CD2AP: variants seen among roughly 807,000 people sequenced by gnomAD.
CD2AP encodes CD2 associated protein, also known as CD2-associated protein.
In CD2AP, 46 loss-of-function variants were observed where a neutral mutation model predicts 85.1. The observed-to-expected ratio is 0.54, with a 90% CI of 0.43 to 0.69. The LOEUF (loss-of-function observed/expected upper bound fraction) is 0.69, where lower values mean the gene tolerates loss of function less well. Ranked by LOEUF, CD2AP falls within the 30% of genes least tolerant of loss-of-function variation. The pLI is 0.00. For missense variants in CD2AP, 769 were observed against 729.5 expected, an observed-to-expected ratio of 1.05 and a Z score of -0.62; for synonymous variants, 255 against 252.9, an observed-to-expected ratio of 1.01 and a Z score of -0.08.
chr6:47,590,708 A>G (rs1358237988), intron 11 of CD2AP, among the ~76,000 whole-genome samples: 1 of 152,128 alleles, frequency 6.6e-6, no homozygotes, highest in East Asian at 1.9e-4. Context: ...ATGACTGTAC[A>G]GTGGGAAGGT....
At chr6:47,537,445 A>G (rs1767082045) in intron 3 of CD2AP, among the ~76,000 whole-genome samples, 1 of 152,150 alleles carries the variant, frequency 6.6e-6, no homozygotes, top group African/African-American at 2.4e-5. Flanking sequence ...AGGCTGTTCT[A>G]ACTTTCTATT....
chr6:47,603,695 G>C lies in CD2AP; in HGVS notation c.1418-2470G>C, dbSNP rs962422667. Among the ~76,000 whole-genome samples the C allele has an allele frequency of 7.3e-5, 11 of 151,578 alleles. No homozygotes were observed. The East Asian group carries it at 2.1e-3, about 29-fold the overall frequency. The stretch of plus-strand genomic sequence containing the variant: ...TACAGCTGTTCTTTTTTCCTGTTTT[G>C]TAAAATAATTATTTTGGTTTAGTCT... On this transcript the variant is annotated intron_variant, in intron 13 of 17. Coordinates refer to ENST00000359314, the MANE Select transcript of CD2AP (RefSeq NM_012120.3).
intron 16 of CD2AP, among the ~76,000 whole-genome samples, chr6:47,611,327 A>G (rs1319817335): frequency 6.6e-6 from 1 of 151,650 alleles, no homozygotes; most frequent in African/African-American, 2.4e-5. Context: ...GTGTGGCAAA[A>G]TTAGAACAAC....
chr6:47,513,225 G>A (rs924467528), intron 2 of CD2AP, among the ~76,000 whole-genome samples: 8 of 149,882 alleles, frequency 5.3e-5, no homozygotes, highest in East Asian at 2.0e-4. Flanking sequence ...TTCTGGCATT[G>A]AGGGCTCTTA....
At chr6:47,523,648 T>C (rs1766651046) in intron 2 of CD2AP, among the ~76,000 whole-genome samples, 1 of 152,176 alleles carries the variant, frequency 6.6e-6, no homozygotes, top group South Asian at 2.1e-4. Context: ...ACTTGAGTTA[T>C]TTTAGATAAT....
chr6:47,579,153 A>G (rs1425761777), intron 8 of CD2AP, among the ~76,000 whole-genome samples: 1 of 152,112 alleles, frequency 6.6e-6, no homozygotes, highest in African/African-American at 2.4e-5. Flanking sequence ...TAGTTCCTGC[A>G]CTTTGGGAGA....
intron 17 of CD2AP, among the ~76,000 whole-genome samples, chr6:47,621,580 T>G (rs1322358102): frequency 2.6e-5 from 4 of 152,216 alleles, no homozygotes; most frequent in Non-Finnish European, 5.9e-5. Context: ...GGAGGGTTCC[T>G]TCTTTCTCTA....
At chr6:47,562,794 G>T in intron 5 of CD2AP, 1 of 1,151,128 alleles carries the variant, frequency 8.7e-7, no homozygotes, top group South Asian at 1.2e-5. Context: ...ACTGTGATGA[G>T]CCTTTGTATG....
At chr6:47,602,153 T>C (rs1442048337) in intron 13 of CD2AP, among the ~76,000 whole-genome samples, 1 of 152,024 alleles carries the variant, frequency 6.6e-6, no homozygotes, top group Non-Finnish European at 1.5e-5. Flanking sequence ...TATGTGTATA[T>C]ATAAACTATG....
chr6:47,547,963 ATTC>A (rs1446799376), intron 4 of CD2AP, among the ~76,000 whole-genome samples: 3 of 152,146 alleles, frequency 2.0e-5, no homozygotes, highest in South Asian at 2.1e-4. Context: ...AAATTAAAAA[ATTC>A]TTCTTACTGA....
chr6:47,526,822 C>T (rs950935983), intron 2 of CD2AP, among the ~76,000 whole-genome samples: 33 of 152,088 alleles, frequency 2.2e-4, no homozygotes, highest in African/African-American at 5.8e-4. Context: ...ATGTAGGTAG[C>T]TTATGAGGCA....
At chr6:47,576,639 T>C (rs750612328) in intron 7 of CD2AP, 37 bp downstream of exon 7, 2 of 1,361,730 alleles carry the variant, frequency 1.5e-6, no homozygotes, top group African/African-American at 1.4e-5. Context: ...TTGGGAATAG[T>C]AGAAACATAC....
At chr6:47,491,815 AT>A (rs1020364205) in intron 1 of CD2AP, among the ~76,000 whole-genome samples, 34 of 151,818 alleles carry the variant, frequency 2.2e-4, no homozygotes, top group Admixed American at 1.3e-3. Flanking sequence ...TTAAATACTG[AT>A]TTTTTTTAAA....
chr6:47,572,241 C>T (rs1403927613), intron 5 of CD2AP, among the ~76,000 whole-genome samples: 6 of 152,138 alleles, frequency 3.9e-5, no homozygotes, highest in Admixed American at 2.0e-4. Flanking sequence ...AAGCAGGGGC[C>T]GGGCGCAGTG....
At chr6:47,601,060 G>A (rs989985443) in intron 13 of CD2AP, among the ~76,000 whole-genome samples, 2 of 151,578 alleles carry the variant, frequency 1.3e-5, no homozygotes, top group African/African-American at 2.4e-5. Context: ...TAAAATTTAG[G>A]TAAATTACAA....
intron 1 of CD2AP, among the ~76,000 whole-genome samples, chr6:47,488,126 G>A (rs911065100): frequency 1.3e-5 from 2 of 148,712 alleles, no homozygotes; most frequent in African/African-American, 5.0e-5. Flanking sequence ...AATCAGTGAT[G>A]TTAAGCATCT....
intron 2 of CD2AP, among the ~76,000 whole-genome samples, chr6:47,523,015 TAAG>T (rs1378302546): frequency 6.6e-6 from 1 of 152,044 alleles, no homozygotes; most frequent in African/African-American, 2.4e-5. Flanking sequence ...CCAGTTTTCA[TAAG>T]AAGAAATATT....
At chr6:47,509,939 T>A (rs1479063679) in intron 2 of CD2AP, among the ~76,000 whole-genome samples, 2 of 152,230 alleles carry the variant, frequency 1.3e-5, no homozygotes, top group Non-Finnish European at 1.5e-5. Context: ...ATAGTTCTCT[T>A]GAGTGTATGC....
At chr6:47,560,561 T>G (rs1217600910) in intron 5 of CD2AP, among the ~76,000 whole-genome samples, 1 of 152,144 alleles carries the variant, frequency 6.6e-6, no homozygotes, top group East Asian at 1.9e-4. Flanking sequence ...ATTTGTTTGT[T>G]TGTTTGTCTT....
Sources: allele counts gnomAD v4.1 joint callset (sites outside exome capture counted in the v4.1 genomes callset), GRCh38; gene constraint gnomAD v4.1.1; transcripts MANE v1.5; gene names NCBI Gene and HGNC (gene_info 2026-07-23, HGNC 2026-07-21).